Variants in ATE1 observed in about 807,000 individuals in gnomAD.
ATE1 encodes the protein arginyltransferase 1.
ATE1 carries 36 observed loss-of-function variants against 70.5 expected under a neutral mutation model. The ratio of observed to expected loss-of-function variants is 0.51; its 90% CI spans 0.39 to 0.67. The LOEUF (loss-of-function observed/expected upper bound fraction) is 0.67, where lower values mean the gene tolerates loss of function less well. Among genes scored for constraint, ATE1 ranks in the 30% least tolerant of loss-of-function variants. The pLI is 0.00. For missense variants in ATE1, 593 were observed against 629.5 expected (o/e 0.94, Z 0.62); for synonymous variants, 232 against 219.3 (o/e 1.06, Z -0.51).
At chr10:121,811,944 C>A (rs1947334756) in intron 10 of ATE1, among the ~76,000 whole-genome samples, 1 of 145,232 alleles carries the variant, frequency 6.9e-6, no homozygotes, top group Non-Finnish European at 1.5e-5. Context: ...GAACCTTATT[C>A]CAAATTCTTT....
chr10:121,877,910 T>G (rs549923804), intron 7 of ATE1, among the ~76,000 whole-genome samples: 8 of 152,352 alleles, frequency 5.3e-5, no homozygotes, highest in African/African-American at 1.9e-4. Context: ...ATTAGTGTTA[T>G]GTCCATCAAA....
intron 7 of ATE1, among the ~76,000 whole-genome samples, chr10:121,872,171 C>A (rs1394694562): frequency 1.9e-5 from 1 of 52,244 alleles, no homozygotes; most frequent in Non-Finnish European, 4.0e-5. Flanking sequence ...GTAATTGATG[C>A]ATTAATTAGC....
At chr10:121,747,705 T>C (rs938786468) in intron 11 of ATE1, among the ~76,000 whole-genome samples, 3 of 152,244 alleles carry the variant, frequency 2.0e-5, no homozygotes, top group Admixed American at 6.5e-5. Flanking sequence ...GGTTTTGGTG[T>C]TCCTGCTTAG....
Position 121,879,663 on chromosome 10 carries a change from C to A in ATE1, c.943-9625G>T, listed in dbSNP as rs1011314195. ...AGTAAATGAATATTCATAATCGTTT[C>A]TTTCTCCCATGTTTCTTCACAGCCC... On this transcript the variant is annotated intron_variant, in intron 7 of 11. Transcript: ENST00000224652. Among the ~76,000 whole-genome samples, 7 of 152,280 alleles carry A rather than the reference C, an allele frequency of 4.6e-5. No individual in the cohort carries two copies. The South Asian group carries it at 1.2e-3, about 27-fold the overall frequency.
At chr10:121,883,355 G>T (rs1211585564) in intron 7 of ATE1, among the ~76,000 whole-genome samples, 1 of 152,054 alleles carries the variant, frequency 6.6e-6, no homozygotes, top group African/African-American at 2.4e-5. Context: ...TGCCTCGACA[G>T]TACTTAGGTG....
chr10:121,914,594 AAGTT>A (rs1261063691), intron 3 of ATE1, among the ~76,000 whole-genome samples: 14 of 152,146 alleles, frequency 9.2e-5, no homozygotes, highest in Admixed American at 1.3e-4. Flanking sequence ...ATATGAGTGA[AAGTT>A]AGGTCTAAAA....
At chr10:121,788,254 T>C (rs1346342312) in intron 11 of ATE1, among the ~76,000 whole-genome samples, 1 of 152,204 alleles carries the variant, frequency 6.6e-6, no homozygotes, top group Non-Finnish European at 1.5e-5. Flanking sequence ...TTAAGCAACA[T>C]ATCTGATCAA....
At chr10:121,927,058 T>G in intron 1 of ATE1, 1 of 985,454 alleles carries the variant, frequency 1.0e-6, no homozygotes. Flanking sequence ...AGCTAGACTG[T>G]TCTATTAAAA....
intron 9 of ATE1, 87 bp downstream of exon 9, chr10:121,840,995 T>C (rs1948608551): frequency 8.4e-7 from 1 of 1,195,944 alleles, no homozygotes; most frequent in Non-Finnish European, 1.1e-6. Flanking sequence ...TTAGGACTTC[T>C]ACTGTTACAT....
chr10:121,879,335 CCTTATCTATT>C (rs1950158634), intron 7 of ATE1, among the ~76,000 whole-genome samples: 1 of 152,184 alleles, frequency 6.6e-6, no homozygotes, highest in African/African-American at 2.4e-5. Context: ...TTCCTGATAT[CCTTATCTATT>C]CTTACCTTCC....
chr10:121,857,920 C>G (rs1949307513), intron 8 of ATE1, among the ~76,000 whole-genome samples: 1 of 152,150 alleles, frequency 6.6e-6, no homozygotes, highest in Non-Finnish European at 1.5e-5. Context: ...CTGTATGTAC[C>G]TCATGTAAGT....
At chr10:121,768,025 G>A (rs1945347784) in intron 11 of ATE1, among the ~76,000 whole-genome samples, 1 of 152,148 alleles carries the variant, frequency 6.6e-6, no homozygotes. Flanking sequence ...TTTAAAAGAG[G>A]TAAAATTCTA....
At chr10:121,791,063 T>TAC (rs765932226) in intron 10 of ATE1, among the ~76,000 whole-genome samples, 29,604 of 77,082 alleles carry the variant, frequency 0.38, 4,404 homozygotes, top group South Asian at 0.49. Context: ...TACGTGTGTG[T>TAC]GTGTGTGTGT....
intron 7 of ATE1, among the ~76,000 whole-genome samples, chr10:121,892,633 A>G (rs1564933716): frequency 6.6e-6 from 1 of 151,078 alleles, no homozygotes; most frequent in African/African-American, 2.4e-5. Context: ...CAGTCTCCTG[A>G]GTAGCTGGAT....
At chr10:121,784,579 C>T (rs189483125) in intron 11 of ATE1, among the ~76,000 whole-genome samples, 191 of 152,244 alleles carry the variant, frequency 1.3e-3, no homozygotes, top group East Asian at 1.9e-4. Flanking sequence ...TAATACAGGC[C>T]GGGTGCAGTG....
At chr10:121,767,139 T>C (rs1003014825) in intron 11 of ATE1, among the ~76,000 whole-genome samples, 38 of 152,156 alleles carry the variant, frequency 2.5e-4, no homozygotes, top group African/African-American at 8.7e-4. Flanking sequence ...ACCAAATCAA[T>C]GCTATCCACC....
At chr10:121,909,483 A>C (rs982230303) in intron 5 of ATE1, among the ~76,000 whole-genome samples, 1 of 152,184 alleles carries the variant, frequency 6.6e-6, no homozygotes, top group Admixed American at 6.5e-5. Flanking sequence ...GAAATACAGG[A>C]TATCACAATG....
intron 10 of ATE1, among the ~76,000 whole-genome samples, chr10:121,827,788 T>C (rs1948085536): frequency 6.6e-6 from 1 of 152,242 alleles, no homozygotes; most frequent in Non-Finnish European, 1.5e-5. Context: ...TGTAATGTAA[T>C]GTAATGACTA....
intron 10 of ATE1, among the ~76,000 whole-genome samples, chr10:121,813,113 G>C (rs1947391670): frequency 6.6e-6 from 1 of 152,136 alleles, no homozygotes; most frequent in Non-Finnish European, 1.5e-5. Flanking sequence ...TCAGTTTTAA[G>C]TCAATGTTTT....
Sources: allele counts gnomAD v4.1 joint callset (sites outside exome capture counted in the v4.1 genomes callset), GRCh38; gene constraint gnomAD v4.1.1; transcripts MANE v1.5; gene names NCBI Gene and HGNC (gene_info 2026-07-23, HGNC 2026-07-21).